MRAP2: variants seen among roughly 807,000 people sequenced by gnomAD.
The protein encoded by MRAP2 is melanocortin 2 receptor accessory protein 2, also known as melanocortin-2 receptor accessory protein 2.
Under a neutral mutation model 17.4 loss-of-function variants are expected in MRAP2, and 20 were observed. The observed-to-expected ratio is 1.15, with a 90% CI of 0.81 to 1.67. The LOEUF (loss-of-function observed/expected upper bound fraction) is 1.67. MRAP2 is among the 40% of genes most tolerant of loss of function. The probability of loss-of-function intolerance (pLI) is 0.00; values close to 1 mark genes in which losing one functional copy is unlikely to be tolerated. For missense variants in MRAP2, 238 were observed against 240.0 expected (o/e 0.99, Z 0.05); for synonymous variants, 96 against 88.4 (o/e 1.09, Z -0.48).
At position 84,037,342 on chromosome 6, in the gene MRAP2, G is replaced by A. The variant is rs537359294; in HGVS notation, c.-8+3459G>A. 2.6e-5 allele frequency among the ~76,000 whole-genome samples: 4 copies of A among 152,336 alleles called. No homozygotes were observed. The South Asian group carries it at 8.3e-4, about 32-fold the overall frequency. On this transcript the variant is annotated intron_variant, in intron 1 of 3. Coordinates refer to ENST00000257776, the MANE Select transcript of MRAP2 (RefSeq NM_138409.4). ...AGCTAGACACAGAGTGCTGATTGGT[G>A]CATATACAATCCTCCAACTAGACAT...
chr6:84,057,782 A>C (rs1165888295), intron 2 of MRAP2, among the ~76,000 whole-genome samples: 1 of 152,220 alleles, frequency 6.6e-6, no homozygotes, highest in African/African-American at 2.4e-5. Flanking sequence ...ATAATGTCAG[A>C]TGGCAATATA....
chr6:84,092,183 A>AC (rs1425726176), downstream of MRAP2, among the ~76,000 whole-genome samples: 1 of 152,166 alleles, frequency 6.6e-6, no homozygotes, highest in Non-Finnish European at 1.5e-5. Flanking sequence ...ACATTGGGTT[A>AC]CCTAAGATGA....
intron 1 of MRAP2, among the ~76,000 whole-genome samples, chr6:84,050,479 G>A (rs753265294): frequency 1.3e-5 from 2 of 152,146 alleles, no homozygotes; most frequent in Admixed American, 6.5e-5. Flanking sequence ...CCCTAGGCAC[G>A]AGTAAGCTGG....
At chr6:84,068,109 G>A (rs1034817132) in intron 3 of MRAP2, among the ~76,000 whole-genome samples, 2 of 152,048 alleles carry the variant, frequency 1.3e-5, no homozygotes, top group African/African-American at 4.8e-5. Context: ...TCTACCTGTG[G>A]CTAGCCAATT....
intron 3 of MRAP2, among the ~76,000 whole-genome samples, chr6:84,065,354 G>T (rs1178070202): frequency 6.6e-6 from 1 of 151,978 alleles, no homozygotes; most frequent in African/African-American, 2.4e-5. Flanking sequence ...GAAGCATTTG[G>T]AGACATATGG....
chr6:84,057,297 T>C (rs928301735), intron 2 of MRAP2, among the ~76,000 whole-genome samples: 1 of 152,216 alleles, frequency 6.6e-6, no homozygotes, highest in African/African-American at 2.4e-5. Flanking sequence ...GCTAATTAGA[T>C]GCAGATTCAA....
At chr6:84,145,009 AGGC>A in the MRAP2 span, among the ~76,000 whole-genome samples, 1 of 152,132 alleles carries the variant, frequency 6.6e-6, no homozygotes, top group Non-Finnish European at 1.5e-5. Flanking sequence ...TATACTATCA[AGGC>A]TTTGATTGGA....
At chr6:84,047,105 G>A (rs1357558300) in intron 1 of MRAP2, among the ~76,000 whole-genome samples, 1 of 151,952 alleles carries the variant, frequency 6.6e-6, no homozygotes, top group Non-Finnish European at 1.5e-5. Context: ...GCTTTAGAGA[G>A]TTCTCATTAC....
chr6:84,042,898 A>G (rs2099487999), intron 1 of MRAP2, among the ~76,000 whole-genome samples: 1 of 152,104 alleles, frequency 6.6e-6, no homozygotes, highest in Non-Finnish European at 1.5e-5. Flanking sequence ...TTACATTTCC[A>G]TTTCTGTGGA....
intron 2 of MRAP2, among the ~76,000 whole-genome samples, chr6:84,061,530 G>A (rs1196511044): frequency 3.9e-5 from 6 of 152,236 alleles, no homozygotes; most frequent in African/African-American, 1.4e-4. Flanking sequence ...GGGTTCAAAG[G>A]AGGGAGACAA....
At chr6:84,101,013 C>T in the MRAP2 span, among the ~76,000 whole-genome samples, 1 of 152,146 alleles carries the variant, frequency 6.6e-6, no homozygotes, top group African/African-American at 2.4e-5. Context: ...CACTAATGTA[C>T]TTTCAAAGAA....
At chr6:84,101,223 C>T in the MRAP2 span, among the ~76,000 whole-genome samples, 3 of 152,196 alleles carry the variant, frequency 2.0e-5, no homozygotes, top group African/African-American at 7.2e-5. Context: ...TGAATATACA[C>T]TGGCCCTTTA....
chr6:84,118,863 T>C, the MRAP2 span, among the ~76,000 whole-genome samples: 2 of 152,244 alleles, frequency 1.3e-5, no homozygotes, highest in African/African-American at 2.4e-5. Context: ...AATTTTTATA[T>C]AGGTGTGAGA....
chr6:84,112,695 G>A, the MRAP2 span, among the ~76,000 whole-genome samples: 2 of 151,988 alleles, frequency 1.3e-5, no homozygotes, highest in African/African-American at 4.8e-5. Context: ...GTGATGTTAG[G>A]GTGTTGATTT....
chr6:84,087,048 A>C (rs917349479), intron 3 of MRAP2, among the ~76,000 whole-genome samples: 1 of 152,172 alleles, frequency 6.6e-6, no homozygotes, highest in Admixed American at 6.6e-5. Context: ...GTGAACCCCC[A>C]AAATCCGAGA....
At chr6:84,110,796 T>C in the MRAP2 span, among the ~76,000 whole-genome samples, 1 of 152,070 alleles carries the variant, frequency 6.6e-6, no homozygotes, top group Admixed American at 6.6e-5. Context: ...AAGGAAGGGG[T>C]TCAGTTTCAG....
At chr6:84,088,606 A>G (rs185688124) in intron 3 of MRAP2, among the ~76,000 whole-genome samples, 1 of 152,208 alleles carries the variant, frequency 6.6e-6, no homozygotes, top group African/African-American at 2.4e-5. Flanking sequence ...CAAATATTTA[A>G]TGTACCCCTA....
the MRAP2 span, among the ~76,000 whole-genome samples, chr6:84,136,105 C>T: frequency 6.6e-6 from 1 of 152,148 alleles, no homozygotes; most frequent in Non-Finnish European, 1.5e-5. Flanking sequence ...TGATATTGTT[C>T]AGGTGTTCAT....
At chr6:84,141,314 G>T in the MRAP2 span, among the ~76,000 whole-genome samples, 1 of 151,886 alleles carries the variant, frequency 6.6e-6, no homozygotes. Flanking sequence ...TGGTACTTAT[G>T]GTAAAATAAA....
Sources: allele counts gnomAD v4.1 joint callset (sites outside exome capture counted in the v4.1 genomes callset), GRCh38; gene constraint gnomAD v4.1.1; transcripts MANE v1.5; gene names NCBI Gene and HGNC (gene_info 2026-07-23, HGNC 2026-07-21).